ABTB3: variants seen among roughly 807,000 people sequenced by gnomAD.
The protein encoded by ABTB3 is ankyrin repeat- and BTB/POZ domain-containing protein 3.
chr12:107,382,472 T>C, the ABTB3 span, among the ~76,000 whole-genome samples: 8 of 152,210 alleles, frequency 5.3e-5, no homozygotes, highest in African/African-American at 1.4e-4. Context: ...CTATTATTGG[T>C]GTATAGGAAT....
At chr12:107,415,740 A>G in the ABTB3 span, among the ~76,000 whole-genome samples, 1 of 149,098 alleles carries the variant, frequency 6.7e-6, no homozygotes, top group Admixed American at 6.6e-5. Context: ...AAACAAAAAA[A>G]CAAAAACACA....
At chr12:107,504,986 C>T in the ABTB3 span, among the ~76,000 whole-genome samples, 1 of 152,286 alleles carries the variant, frequency 6.6e-6, no homozygotes, top group Middle Eastern at 3.4e-3. Context: ...AGGACTCATT[C>T]ATTAACTCAA....
At chr12:107,353,690 A>G in the ABTB3 span, among the ~76,000 whole-genome samples, 1 of 152,184 alleles carries the variant, frequency 6.6e-6, no homozygotes, top group Non-Finnish European at 1.5e-5. Context: ...GTGGCACAGC[A>G]GGAGGTGAGC....
At chr12:107,325,890 A>G in the ABTB3 span, among the ~76,000 whole-genome samples, 1 of 152,220 alleles carries the variant, frequency 6.6e-6, no homozygotes, top group African/African-American at 2.4e-5. Context: ...TATAATCATT[A>G]TAGTTACATC....
chr12:107,334,038 A>G, the ABTB3 span, among the ~76,000 whole-genome samples: 2 of 152,240 alleles, frequency 1.3e-5, no homozygotes, highest in Non-Finnish European at 2.9e-5. Context: ...GGAAGAGCTA[A>G]GAACCCATTG....
chr12:107,532,921 C>T, the ABTB3 span, among the ~76,000 whole-genome samples: 3 of 152,132 alleles, frequency 2.0e-5, no homozygotes, highest in African/African-American at 7.2e-5. Flanking sequence ...AAGACTATAT[C>T]CAGCAATGCT....
At chr12:107,648,605 C>T in the ABTB3 span, among the ~76,000 whole-genome samples, 8 of 152,110 alleles carry the variant, frequency 5.3e-5, no homozygotes, top group Admixed American at 1.3e-4. Context: ...AAGAACATCC[C>T]GACTAGGGCC....
chr12:107,350,185 C>G, the ABTB3 span, among the ~76,000 whole-genome samples: 1 of 151,976 alleles, frequency 6.6e-6, no homozygotes, highest in African/African-American at 2.4e-5. Flanking sequence ...TAAAATGAAA[C>G]TAATTTAGGG....
the ABTB3 span, among the ~76,000 whole-genome samples, chr12:107,478,716 G>C: frequency 6.6e-6 from 1 of 151,938 alleles, no homozygotes; most frequent in Non-Finnish European, 1.5e-5. Flanking sequence ...TTCACGTGCG[G>C]GGAGCTTGAA....
the ABTB3 span, among the ~76,000 whole-genome samples, chr12:107,641,542 C>A: frequency 2.0e-5 from 3 of 152,158 alleles, no homozygotes; most frequent in African/African-American, 7.2e-5. Flanking sequence ...AGTTGATGGG[C>A]AGGAAAGTGC....
the ABTB3 span, among the ~76,000 whole-genome samples, chr12:107,585,952 C>G: frequency 2.0e-5 from 3 of 152,126 alleles, no homozygotes; most frequent in East Asian, 5.8e-4. Flanking sequence ...TTTCTGGGGT[C>G]AGGATACATG....
At chr12:107,390,360 A>T in the ABTB3 span, among the ~76,000 whole-genome samples, 1 of 152,258 alleles carries the variant, frequency 6.6e-6, no homozygotes, top group Non-Finnish European at 1.5e-5. Context: ...AAGGCCACCT[A>T]GCCTGTGAGT....
chr12:107,514,244 C>T, the ABTB3 span, among the ~76,000 whole-genome samples: 2 of 152,278 alleles, frequency 1.3e-5, no homozygotes, highest in South Asian at 4.1e-4. Flanking sequence ...CCAGGCCAGT[C>T]CCAGAGCAGA....
the ABTB3 span, among the ~76,000 whole-genome samples, chr12:107,457,347 G>A: frequency 6.6e-6 from 1 of 152,208 alleles, no homozygotes; most frequent in East Asian, 1.9e-4. Context: ...CTGCTTCAAA[G>A]GCTATCCCAA....
the ABTB3 span, among the ~76,000 whole-genome samples, chr12:107,479,354 G>A: frequency 2.0e-5 from 3 of 151,872 alleles, no homozygotes; most frequent in Non-Finnish European, 4.4e-5. Flanking sequence ...GTACAGTGAA[G>A]AGGTGCCCAG....
the ABTB3 span, among the ~76,000 whole-genome samples, chr12:107,645,566 T>A: frequency 1.3e-5 from 2 of 152,158 alleles, no homozygotes; most frequent in Middle Eastern, 3.2e-3. Flanking sequence ...CACCCAGCCC[T>A]GAGGAAAGAA....
the ABTB3 span, among the ~76,000 whole-genome samples, chr12:107,433,290 C>G: frequency 1.7e-5 from 2 of 118,568 alleles, no homozygotes; most frequent in African/African-American, 6.9e-5. Context: ...GAGCGAGACT[C>G]CGTCTCAAAA....
the ABTB3 span, among the ~76,000 whole-genome samples, chr12:107,559,539 C>T: frequency 1.2e-3 from 177 of 152,304 alleles, no homozygotes; most frequent in African/African-American, 4.2e-3. Flanking sequence ...ACTTTTGAAC[C>T]ATCTGCCCCT....
the ABTB3 span, among the ~76,000 whole-genome samples, chr12:107,558,894 G>T: frequency 1.3e-5 from 2 of 152,160 alleles, no homozygotes; most frequent in African/African-American, 4.8e-5. Flanking sequence ...AGGGCTGGAC[G>T]TTGAGCCCCA....
Sources: gnomAD v4.1 joint callset for allele counts (sites outside exome capture counted in the v4.1 genomes callset) on GRCh38, gnomAD v4.1.1 for gene constraint, MANE v1.5 for transcripts, NCBI Gene and HGNC (gene_info 2026-07-23, HGNC 2026-07-21) for gene names.